The following DST variants were observed in gnomAD, a reference collection of about 807,000 sequenced individuals.
DST encodes bullous pemphigoid antigen.
DST carries 253 observed loss-of-function variants against 875.2 expected under a neutral mutation model. The ratio of observed to expected loss-of-function variants is 0.29; its 90% confidence interval spans 0.26 to 0.32. The LOEUF (loss-of-function observed/expected upper bound fraction) is 0.32. Among genes scored for constraint, DST ranks in the 10% least tolerant of loss-of-function variants. The pLI, the probability that DST is intolerant of heterozygous loss-of-function variation, is 1.00. For synonymous variants in DST, 3,124 were observed against 3,197.1 expected (o/e 0.98, Z 0.77); for missense variants, 8,287 against 9,111.6 (o/e 0.91, Z 3.68).
chr6:56,591,960 C>T (rs902617347), intron 49 of DST, among the ~76,000 whole-genome samples: 13 of 118,862 alleles, frequency 1.1e-4, no homozygotes, highest in South Asian at 7.9e-4. Flanking sequence ...CCAGCCTACA[C>T]GATGGAGTGA....
chr6:56,700,979 G>GT (rs1178517807), intron 8 of DST, among the ~76,000 whole-genome samples: 1 of 130,244 alleles, frequency 7.7e-6, no homozygotes. Flanking sequence ...TTTTTCTCTT[G>GT]CCTTTTTTTT....
At chr6:56,863,954 T>C (rs1250750956) in intron 3 of DST, 1 of 152,260 alleles carries the variant, frequency 6.6e-6, no homozygotes, top group African/African-American at 2.4e-5. Flanking sequence ...GTTAATTTTA[T>C]GTGCCAACTT....
At chr6:56,598,733 A>G (rs1429622526) in intron 45 of DST, 24 bp from the exon 46 acceptor site, 7 of 1,399,480 alleles carry the variant, frequency 5.0e-6, no homozygotes, top group Non-Finnish European at 5.8e-6. Context: ...AGGAAAAAAT[A>G]TATTTTATTA....
chr6:56,554,234 G>C (rs1378824101), intron 60 of DST, among the ~76,000 whole-genome samples: 1 of 151,438 alleles, frequency 6.6e-6, no homozygotes, highest in African/African-American at 2.4e-5. Flanking sequence ...ACAGGCACCC[G>C]CCACCACGCC....
In DST at chr6:56,572,872, T is replaced by A; in HGVS notation, c.13429A>T (p.Thr4477Ser). 1 of 1,613,428 alleles carries A rather than the reference T, an allele frequency of 6.2e-7. No homozygotes were observed. Among genetic ancestry groups the A allele is most frequent in the Non-Finnish European group, 8.5e-7 (1 of 1,179,696 alleles). Reference protein sequence around the residue: ...ETLAKMEELKTKVELFENLSE... With the variant: ...ETLAKMEELKSKVELFENLSE... ...AGGTTCTCAAACAGTTCTACTTTGG[T>A]TTTTAGCTCCTCCATTTTGGCAAGA... The change falls in exon 52 of 104, where the codon ACC becomes TCC. Residue 4477 changes from threonine to serine, a missense_variant. Transcript: ENST00000680361.
chr6:56,779,925 T>G (rs936821919), intron 4 of DST, among the ~76,000 whole-genome samples: 10 of 136,088 alleles, frequency 7.3e-5, no homozygotes, highest in Non-Finnish European at 1.4e-4. Flanking sequence ...CCTTCCTGTG[T>G]CCATGTGTTC....
intron 75 of DST, 48 bp from the exon 76 acceptor site, chr6:56,506,837 A>G (rs1183100683): frequency 1.3e-6 from 2 of 1,563,588 alleles, no homozygotes; most frequent in East Asian, 2.3e-5. Context: ...AAACCACATC[A>G]AAACTTTAAA....
intron 3 of DST, among the ~76,000 whole-genome samples, chr6:56,863,596 G>A (rs1772433446): frequency 6.6e-6 from 1 of 152,098 alleles, no homozygotes; most frequent in African/African-American, 2.4e-5. Flanking sequence ...CCCCTTCACA[G>A]CTGCCCTCCT....
chr6:56,681,218 A>G (rs896360729), intron 9 of DST, among the ~76,000 whole-genome samples: 53 of 152,038 alleles, frequency 3.5e-4, no homozygotes, highest in African/African-American at 1.3e-3. Flanking sequence ...GTTGCCCCCA[A>G]ATAAAAGAAG....
In DST at chr6:56,604,453, C is replaced by T; in HGVS notation, c.10175G>A (p.Arg3392Lys). ...TKILIQNLIK[R>K]ITTSQLVNEA... ...ATTTACCAACTGTGATGTGGTAATC[C>T]TTTTAATTAAATTTTGAATTAAAAT... Residue 3392 changes from arginine to lysine, a missense_variant, in exon 40 of 104, where the codon AGG (arginine) becomes AAG (lysine). Physicochemically the swap from Arg to Lys is conservative, Grantham distance 26 (BLOSUM62 2). Around this residue, in one of 10 missense-constraint regions of DST, gnomAD observed 3,138 missense variants for 3,116.6 expected, o/e 1.01. Transcript: ENST00000680361. 1 of 1,609,408 alleles carries T rather than the reference C, an allele frequency of 6.2e-7. No individual in the cohort carries two copies. Among genetic ancestry groups the T allele is most frequent in the Non-Finnish European group, 8.5e-7 (1 of 1,177,334 alleles).
intron 5 of DST, among the ~76,000 whole-genome samples, chr6:56,733,719 T>C (rs896630069): frequency 3.9e-5 from 6 of 152,020 alleles, no homozygotes; most frequent in Non-Finnish European, 8.8e-5. Context: ...CAAAGCTAAT[T>C]TGTTCAAAAT....
intron 5 of DST, among the ~76,000 whole-genome samples, chr6:56,711,030 T>C (rs934452209): frequency 1.3e-5 from 2 of 152,074 alleles, no homozygotes; most frequent in African/African-American, 4.8e-5. Flanking sequence ...TTAATCCACA[T>C]TGGTACTAGG....
chr6:56,642,703 T>G, intron 15 of DST, 200 bp from the exon 16 acceptor site: 4 of 1,614,144 alleles, frequency 2.5e-6, no homozygotes, highest in Non-Finnish European at 3.4e-6. Flanking sequence ...GAGAAGATTT[T>G]CATTTGAATC....
intron 2 of DST, among the ~76,000 whole-genome samples, chr6:56,948,346 A>C (rs1280987767): frequency 6.6e-6 from 1 of 152,162 alleles, no homozygotes; most frequent in African/African-American, 2.4e-5. Context: ...GGCCATTATT[A>C]AGTAAAATAA....
At chr6:56,597,684 C>T (rs1255036760) in intron 47 of DST, 56 bp downstream of exon 47, 13 of 1,546,792 alleles carry the variant, frequency 8.4e-6, no homozygotes, top group East Asian at 2.3e-5. Context: ...GGTTATTTCT[C>T]TCTTTACCAA....
intron 4 of DST, among the ~76,000 whole-genome samples, chr6:56,751,049 C>G (rs146389742): frequency 4.7e-4 from 71 of 152,282 alleles, no homozygotes; most frequent in African/African-American, 1.7e-3. Context: ...AATCCATGCT[C>G]TTAACCCCCA....
intron 2 of DST, among the ~76,000 whole-genome samples, chr6:56,952,561 T>G (rs1822913750): frequency 6.6e-6 from 1 of 152,190 alleles, no homozygotes; most frequent in Non-Finnish European, 1.5e-5. Context: ...TTTGCAAACA[T>G]TATCGTTTAT....
chr6:56,760,905 T>A (rs2099615577), intron 4 of DST, among the ~76,000 whole-genome samples: 1 of 152,218 alleles, frequency 6.6e-6, no homozygotes, highest in Non-Finnish European at 1.5e-5. Flanking sequence ...ACTCATGTGG[T>A]GGTTTTAAAA....
chr6:56,503,712 G>A (rs1298412525), intron 78 of DST, among the ~76,000 whole-genome samples: 3 of 151,570 alleles, frequency 2.0e-5, no homozygotes, highest in Non-Finnish European at 4.4e-5. Flanking sequence ...CATTTTGGGT[G>A]ACTTGAAATA....
Sources: allele counts gnomAD v4.1 joint callset (sites outside exome capture counted in the v4.1 genomes callset), GRCh38; gene constraint gnomAD v4.1.1; regional missense constraint gnomAD v4.1.1; transcripts MANE v1.5; gene names NCBI Gene and HGNC (gene_info 2026-07-23, HGNC 2026-07-21).